Variants in SGPL1 observed in about 807,000 individuals in gnomAD.
The protein encoded by SGPL1 is sphingosine-1-phosphate lyase 1.
In SGPL1, 37 loss-of-function variants were observed where a neutral mutation model predicts 68.9. That is an observed-to-expected ratio of 0.54 (90% CI 0.41 to 0.71). SGPL1 has a LOEUF of 0.71. Ranked by LOEUF, SGPL1 falls within the 30% of genes least tolerant of loss-of-function variation. The probability of loss-of-function intolerance (pLI) is 0.00; values close to 1 mark genes in which losing one functional copy is unlikely to be tolerated. For missense variants in SGPL1, 551 were observed against 704.6 expected, an observed-to-expected ratio of 0.78 and a Z score of 2.47; for synonymous variants, 236 against 248.5, an observed-to-expected ratio of 0.95 and a Z score of 0.47.
rs77690220 is a variant in SGPL1 at position 70,869,673 on chromosome 10, A to C, written c.705-119A>C. The C allele has an allele frequency of 1.5e-3, 1,201 of 780,858 alleles. 27 individuals are homozygous for C. In the East Asian group the frequency reaches 0.028, roughly 18 times the overall value. The allele number at this position is 780,858 out of a possible 1,614,324, so 48.4% of individuals were successfully genotyped here. On this transcript the variant is annotated intron_variant, in intron 8 of 14. Coordinates refer to ENST00000373202, the MANE Select transcript of SGPL1 (RefSeq NM_003901.4). ...AAAAGTAGAGCAGTCTAAACACTTA[A>C]ATTTTTAATTTGGGGAAAAATAATC...
intron 2 of SGPL1, among the ~76,000 whole-genome samples, chr10:70,827,245 G>A (rs1035651030): frequency 2.0e-5 from 3 of 152,120 alleles, no homozygotes; most frequent in Non-Finnish European, 4.4e-5. Context: ...TGTAATTTCC[G>A]TATGCATTTC....
At chr10:70,837,324 C>T (rs1327984229) in intron 2 of SGPL1, among the ~76,000 whole-genome samples, 2 of 151,900 alleles carry the variant, frequency 1.3e-5, no homozygotes, top group African/African-American at 2.4e-5. Context: ...GTGATCTACC[C>T]ACCTCGGCCT....
chr10:70,833,624 TC>T (rs1410595299), intron 2 of SGPL1, among the ~76,000 whole-genome samples: 1 of 152,196 alleles, frequency 6.6e-6, no homozygotes, highest in African/African-American at 2.4e-5. Flanking sequence ...TGAAAGAAAA[TC>T]AGATTAAATT....
At chr10:70,826,112 G>A (rs1032478515) in intron 2 of SGPL1, among the ~76,000 whole-genome samples, 3 of 152,212 alleles carry the variant, frequency 2.0e-5, no homozygotes, top group Non-Finnish European at 4.4e-5. Context: ...TTGAACGCGG[G>A]AGGTGGAGGT....
At chr10:70,853,917 T>C (rs1845923734) in intron 4 of SGPL1, among the ~76,000 whole-genome samples, 1 of 152,204 alleles carries the variant, frequency 6.6e-6, no homozygotes, top group African/African-American at 2.4e-5. Flanking sequence ...GTGTGCTGCG[T>C]GTATGTCTGT....
chr10:70,871,560 C>T (rs535029066), intron 10 of SGPL1, among the ~76,000 whole-genome samples: 8 of 152,142 alleles, frequency 5.3e-5, no homozygotes, highest in Non-Finnish European at 7.3e-5. Context: ...TAAATCAGAG[C>T]TCTACTCATT....
intron 2 of SGPL1, among the ~76,000 whole-genome samples, chr10:70,817,141 T>A (rs1845247492): frequency 6.6e-6 from 1 of 152,198 alleles, no homozygotes; most frequent in Non-Finnish European, 1.5e-5. Context: ...TGCCTCAGCC[T>A]CCTGAGTAGC....
At chr10:70,837,034 T>G (rs929606786) in intron 2 of SGPL1, among the ~76,000 whole-genome samples, 1 of 151,788 alleles carries the variant, frequency 6.6e-6, no homozygotes, top group African/African-American at 2.4e-5. Context: ...AAAATTATTT[T>G]TATAAAATAA....
chr10:70,873,688 C>T (rs750182144), intron 12 of SGPL1, 99 bp downstream of exon 12: 41 of 858,344 alleles, frequency 4.8e-5, no homozygotes, highest in Non-Finnish European at 7.0e-5. Context: ...CCTAGCCCAC[C>T]TGTTGTCTCC....
chr10:70,844,280 T>C (rs1845758086), intron 2 of SGPL1, among the ~76,000 whole-genome samples, 193 bp from the exon 3 acceptor site: 1 of 152,148 alleles, frequency 6.6e-6, no homozygotes, highest in Non-Finnish European at 1.5e-5. Context: ...AGCTGTTAAG[T>C]GGCAGTGGAG....
chr10:70,876,719 TTGAAGGAATCATA>T, intron 14 of SGPL1, 58 bp downstream of exon 14: 5 of 1,506,214 alleles, frequency 3.3e-6, no homozygotes, highest in Non-Finnish European at 4.5e-6. Context: ...GGTGGAGAGT[TTGAAGGAATCATA>T]TGACCCGGAG....
chr10:70,818,720 A>G (rs1407234659), intron 2 of SGPL1, among the ~76,000 whole-genome samples: 1 of 152,196 alleles, frequency 6.6e-6, no homozygotes, highest in Non-Finnish European at 1.5e-5. Flanking sequence ...ATGAATACTT[A>G]GGTTATCCGC....
At chr10:70,817,311 G>A (rs568053929) in intron 2 of SGPL1, among the ~76,000 whole-genome samples, 1 of 152,184 alleles carries the variant, frequency 6.6e-6, no homozygotes, top group Non-Finnish European at 1.5e-5. Flanking sequence ...GAGCCACCGC[G>A]CCTGGCCAAC....
rs1845760753 is a variant in SGPL1 at position 70,844,481 on chromosome 10, T to G, written c.36T>G (p.Phe12Leu). ...TTCACTTGTATTTCTAGAAGGCCTT[T>G]GAGCCCTACTTAGAGATTTTGGAAG... ...PSTDLLMLKA[F>L]EPYLEILEVY... Residue 12 changes from phenylalanine (F) to leucine (L), a missense_variant, in exon 3 of 15, where the codon TTT (phenylalanine) becomes TTG (leucine). Physicochemically the swap from Phe to Leu is conservative, Grantham distance 22. Transcript: ENST00000373202. 2 of 1,613,580 alleles carry G rather than the reference T, an allele frequency of 1.2e-6. No homozygotes were observed. Among genetic ancestry groups the G allele is most frequent in the Non-Finnish European group, 1.7e-6 (2 of 1,179,550 alleles).
intron 2 of SGPL1, among the ~76,000 whole-genome samples, chr10:70,836,150 T>C (rs547676251): frequency 1.5e-3 from 228 of 152,376 alleles, no homozygotes; most frequent in Non-Finnish European, 1.8e-3. Flanking sequence ...GTAGAGTGGG[T>C]CAGCCTGTCA....
chr10:70,850,816 A>G (rs1225358855), intron 3 of SGPL1, among the ~76,000 whole-genome samples: 1 of 149,190 alleles, frequency 6.7e-6, no homozygotes, highest in East Asian at 2.0e-4. Context: ...AAAGGGAGAC[A>G]AATAAGAATA....
chr10:70,875,629 G>C, intron 13 of SGPL1, 81 bp downstream of exon 13: 1 of 1,105,286 alleles, frequency 9.0e-7, no homozygotes, highest in Non-Finnish European at 1.3e-6. Context: ...CTGAAGTATA[G>C]AGTTTGACTG....
At chr10:70,830,061 T>C (rs2131859676) in intron 2 of SGPL1, among the ~76,000 whole-genome samples, 1 of 152,334 alleles carries the variant, frequency 6.6e-6, no homozygotes. Flanking sequence ...ATTTCTGCTG[T>C]CCTTGGCCCA....
intron 3 of SGPL1, among the ~76,000 whole-genome samples, chr10:70,848,665 A>G (rs980781666): frequency 9.2e-5 from 14 of 151,978 alleles, no homozygotes; most frequent in African/African-American, 3.4e-4. Flanking sequence ...GGGTTTCACC[A>G]TGTTGGTCAG....
Sources: gnomAD v4.1 joint callset for allele counts (sites outside exome capture counted in the v4.1 genomes callset) on GRCh38, gnomAD v4.1.1 for gene constraint, MANE v1.5 for transcripts, NCBI Gene and HGNC (gene_info 2026-07-23, HGNC 2026-07-21) for gene names.